COL18A1: variants seen among roughly 807,000 people sequenced by gnomAD.
COL18A1 encodes the protein collagen type XVIII alpha 1 chain.
Under a neutral mutation model 168.0 loss-of-function variants are expected in COL18A1, and 133 were observed. The ratio of observed to expected loss-of-function variants is 0.79; its 90% CI spans 0.69 to 0.91. The LOEUF (loss-of-function observed/expected upper bound fraction) is 0.91, where lower values mean the gene tolerates loss of function less well. Among genes scored for constraint, COL18A1 ranks in the 40% least tolerant of loss-of-function variants. The pLI is 0.00. For synonymous variants in COL18A1, 949 were observed against 809.0 expected (o/e 1.17, Z -2.94); for missense variants, 2,126 against 1,925.4 (o/e 1.10, Z -1.95).
intron 2 of COL18A1, among the ~76,000 whole-genome samples, chr21:45,465,163 A>G (rs1443181280): frequency 6.6e-6 from 1 of 152,242 alleles, no homozygotes; most frequent in East Asian, 1.9e-4. Context: ...TCTGTATAAC[A>G]GATGACCCTG....
chr21:45,456,907 A>C, intron 2 of COL18A1: 1 of 1,399,286 alleles, frequency 7.1e-7, no homozygotes, highest in Non-Finnish European at 9.3e-7. Context: ...CGATCTCCCC[A>C]CCCTTTCCTT....
intron 38 of COL18A1, among the ~76,000 whole-genome samples, chr21:45,509,120 C>T (rs911886954): frequency 1.1e-4 from 16 of 152,082 alleles, no homozygotes; most frequent in Non-Finnish European, 1.0e-4. Context: ...CTTCTGAGCA[C>T]GGCTGGGTCT....
intron 41 of COL18A1, 82 bp from the exon 42 acceptor site, chr21:45,512,106 T>C: frequency 6.7e-7 from 1 of 1,484,100 alleles, no homozygotes; most frequent in Non-Finnish European, 9.2e-7. Flanking sequence ...GCCTCCTGCC[T>C]CCACCTTTCC....
chr21:45,504,684 A>T lies in COL18A1; in HGVS notation c.2868+128A>T, dbSNP rs558202061. Reference sequence around the variant, plus strand: ...TGCCCCTGCAAGCTCAGCAGCCCCGACATGTCCCTGTCCCCGTGTGGGGAC... The same window carrying T: ...TGCCCCTGCAAGCTCAGCAGCCCCGTCATGTCCCTGTCCCCGTGTGGGGAC... On this transcript the variant is annotated intron_variant, in intron 34 of 41. Transcript: ENST00000651438. 1.2e-4 allele frequency: 99 copies of T among 798,524 alleles called. No individual in the cohort carries two copies. The Admixed American group carries it at 2.5e-3, about 20-fold the overall frequency. The allele number at this position is 798,524 out of a possible 1,614,324, so 49.5% of individuals were successfully genotyped here.
rs192832418 is a variant in COL18A1, at chr21:45,498,885, G to C, written c.2683+1224G>C. On this transcript the variant is annotated intron_variant, in intron 32 of 41. Transcript: ENST00000651438. This position sits in a 1 kb window ranked among gnomAD's most constrained non-coding sequence, Gnocchi z 4.5. ...GAGCTGGGAAGCTCAGAGGTGTCAG[G>C]ATGAACCTGGGGCTGAAGGCGGAAC... 6.6e-6 allele frequency among the ~76,000 whole-genome samples: 1 copy of C among 152,360 alleles called. No homozygotes were observed. Among genetic ancestry groups the C allele is most frequent in the African/African-American group, 2.4e-5 (1 of 41,580 alleles).
chr21:45,410,517 T>C (rs934638125), intron 2 of COL18A1, among the ~76,000 whole-genome samples: 2 of 152,224 alleles, frequency 1.3e-5, no homozygotes, highest in South Asian at 2.1e-4. Context: ...GGGAGCGTGA[T>C]TGGTTACGGT....
chr21:45,494,980 C>T lies in COL18A1; in HGVS notation c.2433+65C>T, dbSNP rs542252815. ...TCTGGCAGGTGGGGAGCAGCCCAGG[C>T]CCACGGGGGTGACATGCCCAGAGGG... On this transcript the variant is annotated intron_variant, in intron 28 of 41. Coordinates refer to ENST00000651438, the MANE Select transcript of COL18A1 (RefSeq NM_001379500.1). The T allele has an allele frequency of 5.5e-5, 78 of 1,410,868 alleles. No homozygotes were observed. In the Admixed American group the frequency reaches 9.1e-4, roughly 17 times the overall value. The allele number at this position is 1,410,868 out of a possible 1,614,324, so 87.4% of individuals were successfully genotyped here.
intron 9 of COL18A1, among the ~76,000 whole-genome samples, chr21:45,479,529 A>G (rs7276306): frequency 0.11 from 16,619 of 151,858 alleles, 1,315 homozygotes; most frequent in African/African-American, 0.22. Context: ...CACACCATAC[A>G]TGCACACTCA....
At chr21:45,452,692 TGTGA>T (rs1026708373) in intron 2 of COL18A1, among the ~76,000 whole-genome samples, 31 of 115,568 alleles carry the variant, frequency 2.7e-4, no homozygotes, top group Middle Eastern at 4.5e-3. Context: ...TGAGCATGTA[TGTGA>T]GTTTGTGTAT....
At chr21:45,414,311 G>A (rs1490221127) in intron 2 of COL18A1, among the ~76,000 whole-genome samples, 2 of 152,176 alleles carry the variant, frequency 1.3e-5, no homozygotes, top group East Asian at 1.9e-4. Context: ...ATCTTGATGC[G>A]GGGTCTCTGA....
chr21:45,481,208 C>T (rs1218297700), intron 13 of COL18A1, among the ~76,000 whole-genome samples: 3 of 152,186 alleles, frequency 2.0e-5, no homozygotes, highest in African/African-American at 4.8e-5. Context: ...GCTGGAGGGC[C>T]AGGGGAGGGA....
intron 2 of COL18A1, among the ~76,000 whole-genome samples, chr21:45,461,170 A>G (rs1568886309): frequency 6.6e-6 from 1 of 152,148 alleles, no homozygotes; most frequent in Non-Finnish European, 1.5e-5. Flanking sequence ...CTTTTCCTGC[A>G]TAACTGAAAC....
At chr21:45,497,755 G>A (rs1283505168) in intron 32 of COL18A1, 94 bp downstream of exon 32, 1 of 1,513,688 alleles carries the variant, frequency 6.6e-7, no homozygotes, top group Non-Finnish European at 9.0e-7. Flanking sequence ...AGCAGGTCCT[G>A]GACCCTCACT....
At chr21:45,479,748 T>G (rs2035826528) in intron 9 of COL18A1, among the ~76,000 whole-genome samples, 154 bp from the exon 10 acceptor site, 1 of 152,038 alleles carries the variant, frequency 6.6e-6, no homozygotes, top group Admixed American at 6.5e-5. Flanking sequence ...GACAGTCTGC[T>G]GGGCCTGGCG....
In COL18A1 at chr21:45,443,290, C is replaced by G. The variant is rs966248788; in HGVS notation, c.107-24952C>G. Among the ~76,000 whole-genome samples the G allele has an allele frequency of 6.6e-6, 1 of 152,150 alleles. No individual in the cohort carries two copies. Among genetic ancestry groups the G allele is most frequent in the Non-Finnish European group, 1.5e-5 (1 of 68,010 alleles). ...TGTCACAGCTGGGGTCTGGGTAGGT[C>G]TGGCAGCCCCATGGGAACCTGGCTG... On this transcript the variant is annotated intron_variant, in intron 2 of 41. Transcript: ENST00000651438. This position sits in a 1 kb window ranked among gnomAD's most constrained non-coding sequence, Gnocchi z 5.2.
intron 5 of COL18A1, among the ~76,000 whole-genome samples, chr21:45,475,785 T>TGCCC (rs2035625825): frequency 1.3e-5 from 2 of 152,246 alleles, no homozygotes; most frequent in African/African-American, 4.8e-5. Context: ...AACGAGGTCC[T>TGCCC]GCCCTGCACA....
At chr21:45,510,883 C>T (rs971619747) in intron 40 of COL18A1, among the ~76,000 whole-genome samples, 5 of 152,038 alleles carry the variant, frequency 3.3e-5, no homozygotes, top group Non-Finnish European at 7.4e-5. Flanking sequence ...GGCTCCCCCA[C>T]GCTTGTTCCC....
chr21:45,447,209 A>G (rs1483970095), intron 2 of COL18A1, among the ~76,000 whole-genome samples: 1 of 150,718 alleles, frequency 6.6e-6, no homozygotes, highest in African/African-American at 2.4e-5. Context: ...ATATATATAT[A>G]TCATATATCA....
At chr21:45,442,706 A>C (rs1354018754) in intron 2 of COL18A1, among the ~76,000 whole-genome samples, 1 of 59,504 alleles carries the variant, frequency 1.7e-5, no homozygotes, top group Non-Finnish European at 3.0e-5. Flanking sequence ...GTGTGGGCGG[A>C]GGTCCTGGTG....
Sources: gnomAD v4.1 joint callset for allele counts (sites outside exome capture counted in the v4.1 genomes callset) on GRCh38, gnomAD v4.1.1 for gene constraint, Gnocchi (gnomAD v3.1) non-coding constraint, MANE v1.5 for transcripts, NCBI Gene and HGNC (gene_info 2026-07-23, HGNC 2026-07-21) for gene names.